The following FLRT3 variants were observed in gnomAD, a reference collection of about 807,000 sequenced individuals.
The protein encoded by FLRT3 is leucine-rich repeat transmembrane protein FLRT3.
Under a neutral mutation model 42.6 loss-of-function variants are expected in FLRT3, and 17 were observed. That is an observed-to-expected ratio of 0.40 (90% CI 0.27 to 0.60). The LOEUF is 0.60. Among genes scored for constraint, FLRT3 ranks in the 20% least tolerant of loss-of-function variants. The probability of loss-of-function intolerance (pLI) is 0.44; values close to 1 mark genes in which losing one functional copy is unlikely to be tolerated. For synonymous variants in FLRT3, 279 were observed against 286.4 expected (o/e 0.97, Z 0.26); for missense variants, 635 against 789.2 (o/e 0.80, Z 2.34).
In FLRT3 at chr20:14,327,070, T is replaced by A; in HGVS notation, c.437A>T (p.Glu146Val). 1 of 1,613,758 alleles carries A rather than the reference T, an allele frequency of 6.2e-7. No homozygotes were observed. Among genetic ancestry groups the A allele is most frequent in the Non-Finnish European group, 8.5e-7 (1 of 1,179,792 alleles). The change falls in exon 3 of 3, where the codon GAA becomes GTA. Residue 146 changes from glutamate (E) to valine (V), a missense_variant. By Grantham distance (121) the Glu-to-Val change is moderately radical. Transcript: ENST00000341420. ...GTTGCTGTCTCGGAATGCTCCCTCT[T>A]CTATGCTAACTGCAGAGACAGAGTT... ...DDNSVSAVSI[E>V]EGAFRDSNYL...
chr20:14,332,282 T>C (rs890630787), intron 1 of FLRT3, among the ~76,000 whole-genome samples: 2 of 152,110 alleles, frequency 1.3e-5, no homozygotes, highest in African/African-American at 4.8e-5. Flanking sequence ...ATAAAACATG[T>C]AAATAGATAA....
chr20:14,336,434 C>T (rs1471568136), intron 1 of FLRT3, among the ~76,000 whole-genome samples: 2 of 151,896 alleles, frequency 1.3e-5, no homozygotes, highest in African/African-American at 4.8e-5. Context: ...TATATGCAAC[C>T]ATTTTGTTTC....
intron 1 of FLRT3, among the ~76,000 whole-genome samples, chr20:14,331,375 G>T (rs527772049): frequency 2.2e-4 from 34 of 152,174 alleles, no homozygotes; most frequent in African/African-American, 6.7e-4. Flanking sequence ...TTTTACATTT[G>T]TGAAGCTGCT....
At position 14,325,828 on chromosome 20, in the gene FLRT3, G is replaced by A. The variant is rs1395820876; in HGVS notation, c.1679C>T (p.Ser560Leu). ...WYVHRNGSLF[S>L]RNCAYSKGRR... ...CCCTTTGCTATATGCACAGTTCCTT[G>A]AGAAGAGCGATCCATTCCTATGAAC... The change falls in exon 3 of 3, where the codon TCA becomes TTA. Residue 560 changes from serine to leucine, a missense_variant. By Grantham distance (145) the Ser-to-Leu change is moderately radical. Transcript: ENST00000341420. 6.2e-7 allele frequency: 1 copy of A among 1,613,914 alleles called. No individual in the cohort carries two copies. The highest frequency in any genetic ancestry group is 8.5e-7 in the Non-Finnish European group (1 of 1,179,856).
At chr20:14,330,250 TGC>T (rs1198971792) in intron 1 of FLRT3, among the ~76,000 whole-genome samples, 3 of 152,220 alleles carry the variant, frequency 2.0e-5, no homozygotes, top group Non-Finnish European at 4.4e-5. Context: ...TTGACTGCTT[TGC>T]CCATTATCAA....
In FLRT3 at chr20:14,324,016, C is replaced by T. The variant is rs1479254925; in HGVS notation, c.*1541G>A. 2.0e-5 allele frequency: 3 copies of T among 152,088 alleles called. No homozygotes were observed. Among genetic ancestry groups the T allele is most frequent in the Non-Finnish European group, 2.9e-5 (2 of 67,996 alleles). The allele number at this position is 152,088 out of a possible 1,614,324, so 9.4% of individuals were successfully genotyped here. On this transcript the variant is annotated 3_prime_UTR_variant, in exon 3 of 3. Coordinates refer to ENST00000341420, the MANE Select transcript of FLRT3 (RefSeq NM_198391.3). The stretch of plus-strand genomic sequence containing the variant: ...GATGTTGATTTTTTAAAATTTTTAG[C>T]CAACTTTTATTTTTATGCCTAGAAA...
rs373003336 is a variant in FLRT3 at position 14,326,610 on chromosome 20, T to C, written c.897A>G (p.Gln299=). Residue 299 remains glutamine (Q), a synonymous_variant, in exon 3 of 3, where the codon CAA becomes CAG. Transcript: ENST00000341420. The surrounding 1 kb of genome is among the most constrained non-coding windows in gnomAD (Gnocchi z 5.5). ...GIFDDLDNIT[Q]LILRNNPWYC... ...ACCAGGGATTGTTGCGAAGAATCAGTTGTGTTATATTGTCCAAATCATCAA... is the reference window on the plus strand; with the variant it reads ...ACCAGGGATTGTTGCGAAGAATCAGCTGTGTTATATTGTCCAAATCATCAA... The C allele has an allele frequency of 1.4e-5, 22 of 1,613,840 alleles. No homozygotes were observed. The African/African-American group carries it at 1.9e-4, about 14-fold the overall frequency.
chr20:14,327,691 T>A, intron 2 of FLRT3, 133 bp from the exon 3 acceptor site: 1 of 624,094 alleles, frequency 1.6e-6, no homozygotes, highest in Non-Finnish European at 2.6e-6. Flanking sequence ...GGAGGGGGCA[T>A]AATAGGGTTT....
intron 1 of FLRT3, among the ~76,000 whole-genome samples, chr20:14,332,068 G>T (rs2082852587): frequency 6.6e-6 from 1 of 152,022 alleles, no homozygotes; most frequent in African/African-American, 2.4e-5. Context: ...TTTTTTAATG[G>T]AATCATTATT....
chr20:14,335,146 G>C (rs1420213312), intron 1 of FLRT3, among the ~76,000 whole-genome samples: 1 of 152,186 alleles, frequency 6.6e-6, no homozygotes, highest in Admixed American at 6.5e-5. Context: ...GCCTTAGGGT[G>C]TGTGGCCAAG....
chr20:14,335,990 C>T (rs2082929411), intron 1 of FLRT3, among the ~76,000 whole-genome samples: 1 of 152,030 alleles, frequency 6.6e-6, no homozygotes, highest in Non-Finnish European at 1.5e-5. Flanking sequence ...TTGATTGTGG[C>T]ACTTTTAAAG....
At chr20:14,330,850 AAACC>A (rs2082823113) in intron 1 of FLRT3, among the ~76,000 whole-genome samples, 1 of 152,078 alleles carries the variant, frequency 6.6e-6, no homozygotes, top group Non-Finnish European at 1.5e-5. Context: ...TGAAAATGGA[AAACC>A]AAGCTGCTGA....
chr20:14,330,718 GA>G (rs1298483909), intron 1 of FLRT3, among the ~76,000 whole-genome samples: 1 of 152,110 alleles, frequency 6.6e-6, no homozygotes, highest in Admixed American at 6.6e-5. Context: ...AGTGCCCACA[GA>G]GGAAAGTTTA....
chr20:14,327,159 T>C lies in FLRT3; in HGVS notation c.348A>G (p.Ile116Met), dbSNP rs777820600. Residue 116 changes from isoleucine to methionine, a missense_variant, in exon 3 of 3, where the codon ATA becomes ATG. Physicochemically the swap from Ile to Met is conservative, Grantham distance 10 (BLOSUM62 1). Transcript: ENST00000341420. ...AAAGTGAATCATAAGTGATAGTCCT[T>C]ATGTTATTTTCTTGCAAATGTAACT... is the stretch of plus-strand genomic sequence containing the variant. ...VKELHLQENN[I>M]RTITYDSLSK... 3 of 1,613,750 alleles carry C rather than the reference T, an allele frequency of 1.9e-6. No homozygotes were observed. The East Asian group carries it at 6.7e-5, about 36-fold the overall frequency.
In FLRT3 at chr20:14,323,012, C is replaced by T. The variant is rs915863589; in HGVS notation, c.*2545G>A. 1 of 152,128 alleles carries T rather than the reference C, an allele frequency of 6.6e-6. No homozygotes were observed. The highest frequency in any genetic ancestry group is 1.5e-5 in the Non-Finnish European group (1 of 68,016). The allele number at this position is 152,128 out of a possible 1,614,324, so 9.4% of individuals were successfully genotyped here. On this transcript the variant is annotated 3_prime_UTR_variant, in exon 3 of 3. Coordinates refer to ENST00000341420, the MANE Select transcript of FLRT3 (RefSeq NM_198391.3). The stretch of plus-strand genomic sequence containing the variant: ...AAAGTGTGTATGTGTGTTTAATTCT[C>T]TCATTCAACAATAATCAACATAGAA...
rs1196446972 is a variant in FLRT3 at position 14,327,489 on chromosome 20, C to T, written c.18G>A (p.Trp6Ter). The T allele has an allele frequency of 6.2e-7, 1 of 1,612,128 alleles. No homozygotes were observed. The part of the protein sequence containing the change: MISAA[W>*]SIFLIGTKIG... ...TTTTAGTCCCGATGAGGAAGATGCT[C>T]CAGGCTGCGCTGATCATGGTCAGCA... The change falls in exon 3 of 3, where the codon TGG becomes TGA. Residue 6 changes from tryptophan (W) to a stop codon, truncating the protein, a stop_gained. Coordinates refer to ENST00000341420, the MANE Select transcript of FLRT3 (RefSeq NM_198391.3). LOFTEE classifies it high-confidence loss of function.
In FLRT3 at chr20:14,326,997, G is replaced by C; in HGVS notation, c.510C>G (p.Pro170=). 1 of 1,613,750 alleles carries C rather than the reference G, an allele frequency of 6.2e-7. No homozygotes were observed. The highest frequency in any genetic ancestry group is 8.5e-7 in the Non-Finnish European group (1 of 1,179,770). Residue 170 remains proline (P), a synonymous_variant, in exon 3 of 3, where the codon CCC becomes CCG. Coordinates refer to ENST00000341420, the MANE Select transcript of FLRT3 (RefSeq NM_198391.3). This position sits in a 1 kb window ranked among gnomAD's most constrained non-coding sequence, Gnocchi z 5.5. ...CTTCTATAGTCCTGGGCAAACCCCA[G>C]GGAATTGTGCTAAGGTGATTACGGG... ...FLSRNHLSTI[P]WGLPRTIEEL...
chr20:14,337,589 GGA>G lies in FLRT3; in HGVS notation c.-434_-433del. On this transcript the variant is annotated 5_prime_UTR_variant, in exon 1 of 3. An upstream open reading frame in the 5' UTR loses its in-frame stop. Coordinates refer to ENST00000341420, the MANE Select transcript of FLRT3 (RefSeq NM_198391.3). ...ACTCCTACACTGAGGAGTGAGCGAG[GGA>G]GAGCATTCCAGTTTACTGCACACAG... The G allele has an allele frequency of 5.0e-6, 2 of 398,550 alleles. No individual in the cohort carries two copies. The highest frequency in any genetic ancestry group is 4.4e-6 in the Non-Finnish European group (1 of 226,046). The allele number at this position is 398,550 out of a possible 1,614,324, so 24.7% of individuals were successfully genotyped here. A position where few individuals can be genotyped will look rare whatever the true frequency, so the allele number is the denominator to read the frequency against.
At position 14,325,907 on chromosome 20, in the gene FLRT3, C is replaced by A; in HGVS notation, c.1600G>T (p.Gly534Cys). The change falls in exon 3 of 3, where the codon GGT becomes TGT. Residue 534 changes from glycine (G) to cysteine (C), a missense_variant. Gly to Cys is a radical substitution (Grantham distance 159, BLOSUM62 -3). Coordinates refer to ENST00000341420, the MANE Select transcript of FLRT3 (RefSeq NM_198391.3). The part of the protein sequence containing the change: ...NPNLPLAAII[G>C]GAVALVTIAL... Reference sequence around the variant, plus strand: ...ATGGTAACCAGGGCCACAGCCCCACCAATGATGGCAGCCAAAGGTAAATTG... The same window carrying A: ...ATGGTAACCAGGGCCACAGCCCCACAAATGATGGCAGCCAAAGGTAAATTG... 3 of 1,613,926 alleles carry A rather than the reference C, an allele frequency of 1.9e-6. No individual in the cohort carries two copies. Among genetic ancestry groups the A allele is most frequent in the Non-Finnish European group, 2.5e-6 (3 of 1,179,882 alleles).
Sources: allele counts gnomAD v4.1 joint callset (sites outside exome capture counted in the v4.1 genomes callset), GRCh38; gene constraint gnomAD v4.1.1; non-coding constraint Gnocchi (gnomAD v3.1); transcripts MANE v1.5; gene names NCBI Gene and HGNC (gene_info 2026-07-23, HGNC 2026-07-21).